Variants in NFIB observed in about 807,000 individuals in gnomAD.
NFIB encodes nuclear factor I B.
NFIB carries 11 observed loss-of-function variants against 61.5 expected under a neutral mutation model. The ratio of observed to expected loss-of-function variants is 0.18; its 90% CI spans 0.11 to 0.30. The LOEUF (loss-of-function observed/expected upper bound fraction) is 0.30. Among genes scored for constraint, NFIB ranks in the 10% least tolerant of loss-of-function variants. The pLI is 1.00. For missense variants in NFIB, 471 were observed against 608.9 expected (o/e 0.77, Z 2.38); for synonymous variants, 260 against 216.5 (o/e 1.20, Z -1.76).
the NFIB span, among the ~76,000 whole-genome samples, chr9:14,510,203 C>T: frequency 0.012 from 1,833 of 152,294 alleles, 21 homozygotes; most frequent in Non-Finnish European, 0.017. Flanking sequence ...GCCTTGAAGA[C>T]GCATTTTAAA....
At chr9:14,294,007 A>G (rs1339127795) in intron 2 of NFIB, among the ~76,000 whole-genome samples, 1 of 152,168 alleles carries the variant, frequency 6.6e-6, no homozygotes, top group Admixed American at 6.5e-5. Context: ...CCTCCCATGA[A>G]CTCATCTTAA....
intron 2 of NFIB, among the ~76,000 whole-genome samples, chr9:14,234,312 G>A (rs563330267): frequency 1.5e-4 from 22 of 151,652 alleles, no homozygotes; most frequent in Non-Finnish European, 2.9e-4. Flanking sequence ...ACCTCATGGT[G>A]TAGTAGGATA....
upstream of NFIB, among the ~76,000 whole-genome samples, chr9:14,401,755 A>C (rs968640244): frequency 6.6e-6 from 1 of 152,078 alleles, no homozygotes; most frequent in South Asian, 2.1e-4. Context: ...TTTTAATCTT[A>C]TCTCTTATGG....
intron 2 of NFIB, among the ~76,000 whole-genome samples, chr9:14,183,528 C>T (rs531957057): frequency 1.7e-4 from 26 of 152,082 alleles, no homozygotes; most frequent in African/African-American, 2.7e-4. Context: ...TTCAGCCTCC[C>T]GAGTAGCTAG....
the NFIB span, among the ~76,000 whole-genome samples, chr9:14,498,714 G>A: frequency 6.6e-6 from 1 of 151,770 alleles, no homozygotes; most frequent in African/African-American, 2.4e-5. Flanking sequence ...AGTGGCTACA[G>A]TAGCTAGTCT....
intron 2 of NFIB, among the ~76,000 whole-genome samples, chr9:14,299,356 TA>T (rs1283495404): frequency 6.6e-6 from 1 of 152,216 alleles, no homozygotes; most frequent in Non-Finnish European, 1.5e-5. Context: ...GGATGCTTGT[TA>T]AATGCTTTTA....
chr9:14,528,515 C>T, the NFIB span, among the ~76,000 whole-genome samples: 114,188 of 152,090 alleles, frequency 0.75, 43,004 homozygotes, highest in Admixed American at 0.79. Context: ...TACAAGACTA[C>T]GAGAATTTCA....
At chr9:14,434,174 A>C in the NFIB span, among the ~76,000 whole-genome samples, 2 of 152,222 alleles carry the variant, frequency 1.3e-5, no homozygotes, top group African/African-American at 2.4e-5. Flanking sequence ...AACAATAATA[A>C]ATTCCTTGAA....
chr9:14,246,098 T>C (rs1378018725), intron 2 of NFIB, among the ~76,000 whole-genome samples: 6 of 151,476 alleles, frequency 4.0e-5, no homozygotes, highest in African/African-American at 1.5e-4. Context: ...GGAAAAGGCA[T>C]TCTAGATATC....
the NFIB span, among the ~76,000 whole-genome samples, chr9:14,437,007 G>A: frequency 6.6e-6 from 1 of 152,154 alleles, no homozygotes; most frequent in Non-Finnish European, 1.5e-5. Context: ...AGGGAGGAGA[G>A]AGAAAGAGAC....
At chr9:14,143,569 T>C (rs767638401) in intron 6 of NFIB, among the ~76,000 whole-genome samples, 8 of 152,208 alleles carry the variant, frequency 5.3e-5, no homozygotes, top group Non-Finnish European at 8.8e-5. Context: ...AAATAATTAA[T>C]AGTAAATTTT....
chr9:14,323,457 A>T (rs2060708463), intron 1 of NFIB, among the ~76,000 whole-genome samples: 1 of 152,210 alleles, frequency 6.6e-6, no homozygotes, highest in Non-Finnish European at 1.5e-5. Flanking sequence ...TTAACAGTTT[A>T]AATTGTTATA....
chr9:14,171,742 T>C (rs982889769), intron 3 of NFIB, among the ~76,000 whole-genome samples: 1 of 152,150 alleles, frequency 6.6e-6, no homozygotes, highest in South Asian at 2.1e-4. Context: ...ATAAAATAAA[T>C]TTAACTTTGG....
At chr9:14,173,853 G>T (rs12335813) in intron 3 of NFIB, among the ~76,000 whole-genome samples, 8,533 of 151,704 alleles carry the variant, frequency 0.056, 714 homozygotes, top group African/African-American at 0.18. Context: ...CCCTTTTTTT[G>T]ACTCTTTCAC....
At chr9:14,515,483 T>C in the NFIB span, among the ~76,000 whole-genome samples, 3 of 152,150 alleles carry the variant, frequency 2.0e-5, no homozygotes, top group Non-Finnish European at 4.4e-5. Flanking sequence ...TTTCAATCCA[T>C]GAGTGTTCCT....
Position 14,120,517 on chromosome 9 carries a change from G to T in NFIB, c.1168C>A (p.Pro390Thr). The T allele has an allele frequency of 6.2e-7, 1 of 1,614,156 alleles. No individual in the cohort carries two copies. Among genetic ancestry groups the T allele is most frequent in the Non-Finnish European group, 8.5e-7 (1 of 1,180,014 alleles). The change falls in exon 8 of 11, where the codon CCT becomes ACT. Residue 390 changes from proline to threonine, a missense_variant. By Grantham distance (38) the Pro-to-Thr change is conservative (BLOSUM62 -1). This residue lies in a region of NFIB where 372 missense variants were observed against 395.6 expected (regional missense o/e 0.94). Transcript: ENST00000380953. This position sits in a 1 kb window ranked among gnomAD's most constrained non-coding sequence, Gnocchi z 4.4. ...SYFSHPTIRYPPHLNPQDTLK... is the reference protein window; with the variant it reads ...SYFSHPTIRYTPHLNPQDTLK... ...GTATCCTGAGGATTCAGGTGGGGAGGATATCTGATTGTTGGATGAGAAAAG... is the reference window on the plus strand; with the variant it reads ...GTATCCTGAGGATTCAGGTGGGGAGTATATCTGATTGTTGGATGAGAAAAG...
the NFIB span, among the ~76,000 whole-genome samples, chr9:14,411,005 T>A: frequency 6.6e-6 from 1 of 152,226 alleles, no homozygotes; most frequent in African/African-American, 2.4e-5. Context: ...ATATGTCAAT[T>A]TTTACCAAAC....
chr9:14,326,567 G>C (rs1318378576), intron 1 of NFIB, among the ~76,000 whole-genome samples: 1 of 152,168 alleles, frequency 6.6e-6, no homozygotes, highest in African/African-American at 2.4e-5. Context: ...ACCTGAGATG[G>C]TGGTATGGCT....
At chr9:14,369,225 G>A (rs1244330283) in intron 1 of NFIB, among the ~76,000 whole-genome samples, 1 of 152,158 alleles carries the variant, frequency 6.6e-6, no homozygotes, top group Non-Finnish European at 1.5e-5. Flanking sequence ...TCAGACTTGT[G>A]TCTGCATCAT....
Sources: gnomAD v4.1 joint callset for allele counts (sites outside exome capture counted in the v4.1 genomes callset) on GRCh38, gnomAD v4.1.1 for gene constraint, gnomAD v4.1.1 regional missense constraint, Gnocchi (gnomAD v3.1) non-coding constraint, MANE v1.5 for transcripts, NCBI Gene and HGNC (gene_info 2026-07-23, HGNC 2026-07-21) for gene names.